The following ANO10 variants were observed in gnomAD, a reference collection of about 807,000 sequenced individuals.
ANO10 encodes the protein anoctamin-10.
A neutral mutation model predicts 74.7 loss-of-function variants in ANO10; 77 were observed. The ratio of observed to expected loss-of-function variants is 1.03; its 90% CI spans 0.86 to 1.25. The LOEUF (loss-of-function observed/expected upper bound fraction) is 1.25. ANO10 is among the 50% of genes most tolerant of loss of function. The pLI is 0.00. For missense variants in ANO10, 721 were observed against 778.1 expected (o/e 0.93, Z 0.87); for synonymous variants, 279 against 284.9 (o/e 0.98, Z 0.21).
At chr3:43,597,078 C>T (rs2082123457) in intron 4 of ANO10, among the ~76,000 whole-genome samples, 1 of 152,168 alleles carries the variant, frequency 6.6e-6, no homozygotes, top group African/African-American at 2.4e-5. Context: ...CATCTCACAC[C>T]AGTTAAAATG....
chr3:43,514,094 GAAA>G (rs1559635251), intron 11 of ANO10, among the ~76,000 whole-genome samples: 1 of 150,714 alleles, frequency 6.6e-6, no homozygotes, highest in Non-Finnish European at 1.5e-5. Context: ...AGCAAAAATA[GAAA>G]AAATAGCAAA....
At chr3:43,515,909 G>A (rs2077691488) in intron 11 of ANO10, among the ~76,000 whole-genome samples, 1 of 152,134 alleles carries the variant, frequency 6.6e-6, no homozygotes, top group Admixed American at 6.5e-5. Context: ...TAAACTTAAG[G>A]AATCTACTCC....
chr3:43,578,383 C>T lies in ANO10; in HGVS notation c.593-1122G>A, dbSNP rs544744225. Among the ~76,000 whole-genome samples the T allele has an allele frequency of 9.2e-5, 14 of 152,228 alleles. No homozygotes were observed. The East Asian group carries it at 1.2e-3, about 13-fold the overall frequency. On this transcript the variant is annotated intron_variant, in intron 5 of 12. Coordinates refer to ENST00000292246, the MANE Select transcript of ANO10 (RefSeq NM_018075.5). ...TGCTATCACCAGTCTCAGTCCCCAGCGACCCCAAATCCACTACCACCCCAT... is the reference window on the plus strand; with the variant it reads ...TGCTATCACCAGTCTCAGTCCCCAGTGACCCCAAATCCACTACCACCCCAT...
chr3:43,688,938 C>A (rs1263898713), intron 1 of ANO10, among the ~76,000 whole-genome samples: 2 of 151,970 alleles, frequency 1.3e-5, no homozygotes, highest in Non-Finnish European at 2.9e-5. Flanking sequence ...GTGCTGGTAT[C>A]AGCTTGGCTT....
rs794726681 is a variant in ANO10 at position 43,555,341 on chromosome 3, TA to T, written c.1604del (p.Leu535Ter). 2.5e-6 allele frequency: 4 copies of T among 1,614,070 alleles called. No homozygotes were observed. Among genetic ancestry groups the T allele is most frequent in the Non-Finnish European group, 3.4e-6 (4 of 1,180,040 alleles). Reference sequence around the variant, plus strand: ...GACGTTTGAAGACCCTGCACATTTTTAAGGCATCTGAATTTACTTCAGTGAA... The same window carrying T: ...GACGTTTGAAGACCCTGCACATTTTTAGGCATCTGAATTTACTTCAGTGAA... ...NNFTEVNSDALKMCRVFKRPF... is the reference protein window; with the variant it reads ...NNFTEVNSDAXKMCRVFKRPF... On this transcript the variant is annotated frameshift_variant, in exon 10 of 13. Transcript: ENST00000292246. LOFTEE classifies it high-confidence loss of function.
chr3:43,409,963 G>A (rs916748992), intron 12 of ANO10, among the ~76,000 whole-genome samples: 1 of 152,096 alleles, frequency 6.6e-6, no homozygotes, highest in African/African-American at 2.4e-5. Flanking sequence ...CAAACTTTAA[G>A]AAAATTGTAA....
At chr3:43,372,417 G>A (rs1006966497) in intron 12 of ANO10, among the ~76,000 whole-genome samples, 1 of 152,150 alleles carries the variant, frequency 6.6e-6, no homozygotes, top group Non-Finnish European at 1.5e-5. Flanking sequence ...CCACTCCAAG[G>A]TCCCTACCAT....
intron 11 of ANO10, among the ~76,000 whole-genome samples, chr3:43,458,331 TAAG>T (rs2075230779): frequency 2.0e-5 from 3 of 152,214 alleles, no homozygotes; most frequent in South Asian, 4.1e-4. Flanking sequence ...AAATCTGTTC[TAAG>T]AAGAAGTTTC....
At chr3:43,496,358 G>T (rs2076914471) in intron 11 of ANO10, among the ~76,000 whole-genome samples, 2 of 152,094 alleles carry the variant, frequency 1.3e-5, no homozygotes, top group South Asian at 4.1e-4. Flanking sequence ...GACAAACATG[G>T]TACCCTAGTG....
At chr3:43,570,927 C>T (rs1412622134) in intron 7 of ANO10, among the ~76,000 whole-genome samples, 1 of 141,318 alleles carries the variant, frequency 7.1e-6, no homozygotes, top group Non-Finnish European at 1.5e-5. Flanking sequence ...ATTTTCGCAA[C>T]CTACTCATCT....
At chr3:43,384,780 CAA>C (rs1303621438) in intron 12 of ANO10, among the ~76,000 whole-genome samples, 3 of 152,104 alleles carry the variant, frequency 2.0e-5, no homozygotes, top group Admixed American at 2.0e-4. Context: ...CAAGATTAAT[CAA>C]AGACTTAAAT....
intron 12 of ANO10, 86 bp from the exon 13 acceptor site, chr3:43,367,060 C>T (rs2091436710): frequency 7.6e-6 from 10 of 1,308,810 alleles, no homozygotes; most frequent in South Asian, 2.5e-5. Context: ...GCCTGGCCAG[C>T]GGCTTTGACC....
intron 11 of ANO10, among the ~76,000 whole-genome samples, chr3:43,453,415 A>G (rs1030100097): frequency 2.0e-5 from 3 of 152,056 alleles, no homozygotes; most frequent in Non-Finnish European, 2.9e-5. Flanking sequence ...TCCTGACCTC[A>G]TGATATGCCC....
At chr3:43,643,804 C>G (rs778459187) in intron 1 of ANO10, among the ~76,000 whole-genome samples, 4 of 151,318 alleles carry the variant, frequency 2.6e-5, no homozygotes, top group Non-Finnish European at 5.9e-5. Flanking sequence ...CTGCCTCAGC[C>G]TCCTGAGTAG....
intron 11 of ANO10, among the ~76,000 whole-genome samples, chr3:43,544,515 G>T (rs1356507552): frequency 6.6e-6 from 1 of 152,224 alleles, no homozygotes; most frequent in East Asian, 1.9e-4. Flanking sequence ...AATCAGGGCT[G>T]GGTATGGTGG....
At chr3:43,574,161 G>A (rs1443113683) in intron 7 of ANO10, among the ~76,000 whole-genome samples, 3 of 151,966 alleles carry the variant, frequency 2.0e-5, no homozygotes, top group African/African-American at 7.3e-5. Context: ...CACTGTGCTA[G>A]CCAGGCTGGT....
rs151237717 is a variant in ANO10, at chr3:43,431,579, T to G, written c.1914+1032A>C. Among the ~76,000 whole-genome samples the G allele has an allele frequency of 3.1e-3, 475 of 152,168 alleles. 4 individuals carry two copies. Among genetic ancestry groups the G allele is most frequent in the Non-Finnish European group, 5.7e-3 (388 of 68,016 alleles). ...CGGTTTACCATATAGACACACTGGC[T>G]AGCCCACATGCCAAAAGTGAACTTG... On this transcript the variant is annotated intron_variant, in intron 12 of 12. Transcript: ENST00000292246.
intron 1 of ANO10, among the ~76,000 whole-genome samples, chr3:43,655,425 G>A (rs1345313185): frequency 6.6e-6 from 1 of 152,212 alleles, no homozygotes; most frequent in Non-Finnish European, 1.5e-5. Flanking sequence ...GACCCAAAGA[G>A]TGAGCAGTAG....
intron 1 of ANO10, among the ~76,000 whole-genome samples, chr3:43,651,985 C>A (rs898418602): frequency 1.3e-5 from 2 of 152,076 alleles, no homozygotes; most frequent in African/African-American, 4.8e-5. Flanking sequence ...AGCAGAGTTC[C>A]TTTTTAAAGA....
Sources: allele counts gnomAD v4.1 joint callset (sites outside exome capture counted in the v4.1 genomes callset), GRCh38; gene constraint gnomAD v4.1.1; transcripts MANE v1.5; gene names NCBI Gene and HGNC (gene_info 2026-07-23, HGNC 2026-07-21).